The following SPHKAP variants were observed in gnomAD, a reference collection of about 807,000 sequenced individuals.
SPHKAP encodes SPHK1 interactor, AKAP domain containing.
In SPHKAP, 67 loss-of-function variants were observed where a neutral mutation model predicts 137.5. That is an observed-to-expected ratio of 0.49 (90% CI 0.40 to 0.60). The LOEUF is 0.60. Among genes scored for constraint, SPHKAP ranks in the 20% least tolerant of loss-of-function variants. The probability of loss-of-function intolerance (pLI) is 0.00; values close to 1 mark genes in which losing one functional copy is unlikely to be tolerated. For missense variants in SPHKAP, 2,097 were observed against 2,069.3 expected (o/e 1.01, Z -0.26); for synonymous variants, 813 against 785.3 (o/e 1.04, Z -0.59).
intron 1 of SPHKAP, among the ~76,000 whole-genome samples, chr2:228,171,531 C>T (rs1700584506): frequency 6.6e-6 from 1 of 152,084 alleles, no homozygotes; most frequent in African/African-American, 2.4e-5. Flanking sequence ...GGTCACCTGT[C>T]AATTATGTCA....
At chr2:228,096,852 T>C (rs1698002586) in intron 3 of SPHKAP, among the ~76,000 whole-genome samples, 1 of 152,134 alleles carries the variant, frequency 6.6e-6, no homozygotes, top group Admixed American at 6.5e-5. Context: ...GCTTGTCTTA[T>C]TTTTACAAAA....
chr2:228,167,968 T>C (rs1037365323), intron 1 of SPHKAP, among the ~76,000 whole-genome samples: 2 of 152,280 alleles, frequency 1.3e-5, no homozygotes, highest in South Asian at 4.1e-4. Flanking sequence ...ATACCTTTAG[T>C]ATACACTGAT....
intron 1 of SPHKAP, among the ~76,000 whole-genome samples, chr2:228,177,046 A>G (rs1700764858): frequency 6.6e-6 from 1 of 152,214 alleles, no homozygotes; most frequent in Non-Finnish European, 1.5e-5. Context: ...CTTGTAAAAC[A>G]AAATATATCC....
intron 3 of SPHKAP, among the ~76,000 whole-genome samples, chr2:228,062,802 T>A (rs543974619): frequency 1.3e-5 from 2 of 152,192 alleles, no homozygotes; most frequent in Non-Finnish European, 2.9e-5. Context: ...AGAAACATAA[T>A]GAATCAACTG....
rs542544040 is a variant in SPHKAP at position 228,148,714 on chromosome 2, G to T, written c.33-16629C>A. On this transcript the variant is annotated intron_variant, in intron 1 of 11. Coordinates refer to ENST00000392056, the MANE Select transcript of SPHKAP (RefSeq NM_001142644.2). ...AGCAGAGAGGCAGGTAGGTGAGTTT[G>T]GTTCAACTACCCACATGGCTGACGG... Among the ~76,000 whole-genome samples, 52 of 152,208 alleles carry T rather than the reference G, an allele frequency of 3.4e-4. 1 individual carries two copies. The highest frequency in any genetic ancestry group is 1.2e-3 in the African/African-American group (50 of 41,534).
intron 1 of SPHKAP, among the ~76,000 whole-genome samples, chr2:228,154,417 A>G (rs1700031933): frequency 6.9e-6 from 1 of 144,382 alleles, no homozygotes; most frequent in Admixed American, 7.0e-5. Context: ...TTTGGACAGC[A>G]CTTTAGAACT....
rs139482883 is a variant in SPHKAP, at chr2:228,051,640, G to A, written c.247-24097C>T. 2.9e-3 allele frequency among the ~76,000 whole-genome samples: 448 copies of A among 152,322 alleles called. 2 individuals carry two copies. Among genetic ancestry groups the A allele is most frequent in the African/African-American group, 0.01 (418 of 41,564 alleles). ...GAAGACCCAGGTGAAGTACACTGCT[G>A]TCTACTGCTATTATTAGAACTCAAT... On this transcript the variant is annotated intron_variant, in intron 3 of 11. Transcript: ENST00000392056.
intron 3 of SPHKAP, among the ~76,000 whole-genome samples, chr2:228,049,980 C>A (rs1574800396): frequency 6.6e-6 from 1 of 152,030 alleles, no homozygotes; most frequent in East Asian, 1.9e-4. Flanking sequence ...TAAGAAACTG[C>A]AATAACTCAA....
At chr2:228,159,356 T>A (rs1041759932) in intron 1 of SPHKAP, among the ~76,000 whole-genome samples, 4 of 152,158 alleles carry the variant, frequency 2.6e-5, no homozygotes, top group Non-Finnish European at 5.9e-5. Flanking sequence ...AGGCCATCTG[T>A]GTTTGTTAAC....
At chr2:228,004,535 G>T (rs563886989) in intron 7 of SPHKAP, among the ~76,000 whole-genome samples, 6 of 152,208 alleles carry the variant, frequency 3.9e-5, no homozygotes, top group Non-Finnish European at 2.9e-5. Context: ...TTTATGAAGG[G>T]TTTTTTGTGT....
intron 3 of SPHKAP, among the ~76,000 whole-genome samples, chr2:228,045,742 G>A (rs1002842722): frequency 6.6e-6 from 1 of 151,490 alleles, no homozygotes; most frequent in African/African-American, 2.4e-5. Flanking sequence ...AAAACTTAAA[G>A]TATAATAATA....
chr2:228,002,352 G>T (rs999795832), intron 7 of SPHKAP, among the ~76,000 whole-genome samples: 3 of 152,160 alleles, frequency 2.0e-5, no homozygotes, highest in Non-Finnish European at 4.4e-5. Flanking sequence ...GTGTCTGTTG[G>T]CTGCATAAAT....
chr2:228,037,606 C>A (rs1030759448), intron 3 of SPHKAP, among the ~76,000 whole-genome samples: 2 of 151,892 alleles, frequency 1.3e-5, no homozygotes, highest in Admixed American at 6.6e-5. Context: ...GTAAACAGAA[C>A]CCCCCTCAAT....
chr2:228,083,011 T>A (rs1697411977), intron 3 of SPHKAP, among the ~76,000 whole-genome samples: 1 of 152,230 alleles, frequency 6.6e-6, no homozygotes, highest in Non-Finnish European at 1.5e-5. Context: ...TTTGAACAAT[T>A]TCTTTATGAG....
rs370386885 is a variant in SPHKAP, at chr2:228,139,941, T to TTTC, written c.33-7857_33-7856insGAA. Among the ~76,000 whole-genome samples the TTTC allele has an allele frequency of 5.3e-4, 77 of 145,042 alleles. No homozygotes were observed. In the East Asian group the frequency reaches 0.012, roughly 23 times the overall value. Reference sequence around the variant, plus strand: ...TTCTTTCTTTCTTTCTTTCTTTTTCTTTTCTTTTTTCTTTTTCTTTTGAGA... The same window carrying TTTC: ...TTCTTTCTTTCTTTCTTTCTTTTTCTTTCTTTCTTTTTTCTTTTTCTTTTGAGA... On this transcript the variant is annotated intron_variant, in intron 1 of 11. Coordinates refer to ENST00000392056, the MANE Select transcript of SPHKAP (RefSeq NM_001142644.2).
chr2:228,043,533 G>C (rs900753345), intron 3 of SPHKAP, among the ~76,000 whole-genome samples: 6 of 152,148 alleles, frequency 3.9e-5, no homozygotes, highest in African/African-American at 1.2e-4. Flanking sequence ...CACCATGTTG[G>C]TCAGGCTAGT....
intron 3 of SPHKAP, among the ~76,000 whole-genome samples, chr2:228,047,184 GGCCAGGT>G (rs1559145697): frequency 1.3e-5 from 2 of 152,272 alleles, no homozygotes; most frequent in African/African-American, 4.8e-5. Flanking sequence ...ACCTGGTTCA[GGCCAGGT>G]GCAGTGGCTA....
At chr2:228,005,068 G>T (rs918594812) in intron 7 of SPHKAP, among the ~76,000 whole-genome samples, 2 of 152,120 alleles carry the variant, frequency 1.3e-5, no homozygotes, top group African/African-American at 4.8e-5. Flanking sequence ...TGTCTATTAG[G>T]TCCACTTGGT....
In SPHKAP at chr2:228,077,676, G is replaced by A. The variant is rs532830131; in HGVS notation, c.246+31156C>T. On this transcript the variant is annotated intron_variant, in intron 3 of 11. Transcript: ENST00000392056. ...GATTTTACAGGCTCATAGGTGGAGGGGATTTGCCCTGTCTCAGATGAGACT... is the reference window on the plus strand; with the variant it reads ...GATTTTACAGGCTCATAGGTGGAGGAGATTTGCCCTGTCTCAGATGAGACT... Among the ~76,000 whole-genome samples, 177 of 152,296 alleles carry A rather than the reference G, an allele frequency of 1.2e-3. 1 individual carries two copies. Among genetic ancestry groups the A allele is most frequent in the Middle Eastern group, 6.8e-3 (2 of 294 alleles).
Sources: allele counts gnomAD v4.1 joint callset (sites outside exome capture counted in the v4.1 genomes callset), GRCh38; gene constraint gnomAD v4.1.1; transcripts MANE v1.5; gene names NCBI Gene and HGNC (gene_info 2026-07-23, HGNC 2026-07-21).